PLA2G2D: variants seen among roughly 807,000 people sequenced by gnomAD.
PLA2G2D encodes the protein group IID secretory phospholipase A2.
A neutral mutation model predicts 13.9 loss-of-function variants in PLA2G2D; 17 were observed. The observed-to-expected ratio is 1.23, with a 90% CI of 0.84 to 1.84. The LOEUF is 1.84. PLA2G2D is among the 40% of genes most tolerant of loss of function. The probability of loss-of-function intolerance (pLI) is 0.00; values close to 1 mark genes in which losing one functional copy is unlikely to be tolerated. For synonymous variants in PLA2G2D, 83 were observed against 69.3 expected (o/e 1.20, Z -0.98); for missense variants, 194 against 178.7 (o/e 1.09, Z -0.49).
chr1:20,115,348 A>G (rs1364232014), intron 3 of PLA2G2D, among the ~76,000 whole-genome samples, 159 bp downstream of exon 3: 2 of 151,308 alleles, frequency 1.3e-5, no homozygotes, highest in Admixed American at 1.3e-4. Context: ...TCCTCTCCAT[A>G]CCCCCATACC....
chr1:20,116,395 GT>G lies in PLA2G2D; in HGVS notation c.122del (p.Tyr41SerfsTer10). ...GTCCGCAGTGACAGCCGTAGGGCCA[GT>G]AGGAGAGGATGGGCATTTTCCCAGT... ...QVTGKMPILS[Y>X]WPYGCHCGLG... On this transcript the variant is annotated frameshift_variant, in exon 2 of 4. Coordinates refer to ENST00000375105, the MANE Select transcript of PLA2G2D (RefSeq NM_012400.4). LOFTEE classifies it high-confidence loss of function. 1.2e-6 allele frequency: 2 copies of G among 1,614,176 alleles called. No individual in the cohort carries two copies. The highest frequency in any genetic ancestry group is 4.5e-5 in the East Asian group (2 of 44,882).
intron 3 of PLA2G2D, 92 bp downstream of exon 3, chr1:20,115,415 A>C: frequency 2.8e-5 from 22 of 772,038 alleles, no homozygotes; most frequent in African/African-American, 5.3e-5. Flanking sequence ...AAAAAAAAAC[A>C]GAGAGGTCAA....
chr1:20,117,572 G>A (rs1224816744), intron 1 of PLA2G2D, among the ~76,000 whole-genome samples: 1 of 152,160 alleles, frequency 6.6e-6, no homozygotes, highest in Non-Finnish European at 1.5e-5. Flanking sequence ...TGTTGAGTTA[G>A]GAGAAATAAA....
rs2016940024 is a variant in PLA2G2D at position 20,114,276 on chromosome 1, G to T, written c.293-17C>A. The stretch of plus-strand genomic sequence containing the variant: ...CCTTGTCAGCTGTGGACGGAGAAGG[G>T]GGAGCTATGTGTTTGTCCTTTTCCG... On this transcript the variant is annotated splice_polypyrimidine_tract_variant and intron_variant, in intron 3 of 3. Coordinates refer to ENST00000375105, the MANE Select transcript of PLA2G2D (RefSeq NM_012400.4). The T allele has an allele frequency of 6.2e-7, 1 of 1,610,324 alleles. No individual in the cohort carries two copies. Among genetic ancestry groups the T allele is most frequent in the South Asian group, 1.1e-5 (1 of 90,626 alleles).
chr1:20,114,423 C>T (rs1201878807), intron 3 of PLA2G2D, among the ~76,000 whole-genome samples, 164 bp from the exon 4 acceptor site: 1 of 152,244 alleles, frequency 6.6e-6, no homozygotes, highest in Non-Finnish European at 1.5e-5. Flanking sequence ...ACCGTGACCT[C>T]CCTGTGTGCC....
Position 20,115,497 on chromosome 1 carries a change from G to A in PLA2G2D, c.292+10C>T, listed in dbSNP as rs779331486. The A allele has an allele frequency of 8.1e-6, 12 of 1,475,280 alleles. 1 individual carries two copies. The South Asian group carries it at 1.2e-4, about 15-fold the overall frequency. The allele number at this position is 1,475,280 out of a possible 1,614,324, so 91.4% of individuals were successfully genotyped here. On this transcript the variant is annotated intron_variant, in intron 3 of 3. Transcript: ENST00000375105. ...GTCTCCAGCTCCTGCCCTGAGGTCT[G>A]CGTACTCACAGCAGTGGATGTTCCC...
intron 1 of PLA2G2D, among the ~76,000 whole-genome samples, chr1:20,118,207 C>CT (rs948243894): frequency 2.0e-5 from 3 of 151,944 alleles, no homozygotes; most frequent in South Asian, 2.1e-4. Flanking sequence ...CCCCGGTCCT[C>CT]TTTTTTTTGC....
At chr1:20,115,286 G>T (rs1047147252) in intron 3 of PLA2G2D, among the ~76,000 whole-genome samples, 1 of 152,160 alleles carries the variant, frequency 6.6e-6, no homozygotes, top group Admixed American at 6.5e-5. Flanking sequence ...CACCAAGCTG[G>T]TCAGTCGTGG....
intron 1 of PLA2G2D, among the ~76,000 whole-genome samples, chr1:20,118,720 C>T (rs992840826): frequency 4.6e-5 from 7 of 152,088 alleles, no homozygotes; most frequent in African/African-American, 1.4e-4. Flanking sequence ...TAAGAGATGG[C>T]GGGGCCTGCA....
At chr1:20,116,183 G>A in intron 2 of PLA2G2D, 150 bp downstream of exon 2, 1 of 842,590 alleles carries the variant, frequency 1.2e-6, no homozygotes. Flanking sequence ...AGGAGGGCTG[G>A]GACCGTATTG....
chr1:20,118,775 C>G (rs1044035864), intron 1 of PLA2G2D, among the ~76,000 whole-genome samples: 4 of 152,132 alleles, frequency 2.6e-5, no homozygotes, highest in African/African-American at 4.8e-5. Flanking sequence ...ACAGTGTCTT[C>G]CCTCTTTACA....
chr1:20,116,634 G>A (rs1448010840), intron 1 of PLA2G2D, among the ~76,000 whole-genome samples, 157 bp from the exon 2 acceptor site: 1 of 152,040 alleles, frequency 6.6e-6, no homozygotes, highest in Non-Finnish European at 1.5e-5. Context: ...TAAAAATATA[G>A]CGACAGGCCA....
chr1:20,116,460 C>T lies in PLA2G2D; in HGVS notation c.58G>A (p.Gly20Ser), dbSNP rs1197176266. 1.2e-6 allele frequency: 2 copies of T among 1,613,990 alleles called. No homozygotes were observed. Among genetic ancestry groups the T allele is most frequent in the East Asian group, 2.2e-5 (1 of 44,860 alleles). ...ATCTTGTTCAGGTTCAGGATCCCGC[C>T]CTGGATTGGAATCACACCTGCCAAG... is the stretch of plus-strand genomic sequence containing the variant. ...VVMAGVIPIQ[G>S]GILNLNKMVK... Residue 20 changes from glycine to serine, a missense_variant, in exon 2 of 4, where the codon GGC (glycine) becomes AGC (serine). Gly to Ser is a moderately conservative substitution (Grantham distance 56). Transcript: ENST00000375105.
intron 2 of PLA2G2D, 77 bp downstream of exon 2, chr1:20,116,256 A>G (rs548921208): frequency 1.4e-6 from 2 of 1,408,948 alleles, no homozygotes; most frequent in Non-Finnish European, 2.0e-6. Flanking sequence ...CAACTAAATG[A>G]ACAGGTGGGT....
intron 2 of PLA2G2D, among the ~76,000 whole-genome samples, chr1:20,116,106 G>T (rs894817407): frequency 6.6e-6 from 1 of 152,152 alleles, no homozygotes. Flanking sequence ...ACTAGAGTAG[G>T]GGATGGGAGT....
In PLA2G2D at chr1:20,114,147, C is replaced by A; in HGVS notation, c.405G>T (p.Arg135=). 1 of 1,613,720 alleles carries A rather than the reference C, an allele frequency of 6.2e-7. No homozygotes were observed. Among genetic ancestry groups the A allele is most frequent in the Non-Finnish European group, 8.5e-7 (1 of 1,179,948 alleles). The change falls in exon 4 of 4, where the codon CGG becomes CGT. Residue 135 remains arginine (R), a synonymous_variant. Coordinates refer to ENST00000375105, the MANE Select transcript of PLA2G2D (RefSeq NM_012400.4). The part of the protein sequence containing the change: ...TYQKRLRFYW[R]PHCRGQTPGC ...CAGGGGTCTGCCCCCGGCAGTGGGG[C>A]CGCCAGTAGAAACGCAGTCGCTTCT...
At chr1:20,115,285 G>A (rs1557767432) in intron 3 of PLA2G2D, among the ~76,000 whole-genome samples, 1 of 152,112 alleles carries the variant, frequency 6.6e-6, no homozygotes, top group Non-Finnish European at 1.5e-5. Flanking sequence ...TCACCAAGCT[G>A]GTCAGTCGTG....
At chr1:20,115,426 G>A in intron 3 of PLA2G2D, 81 bp downstream of exon 3, 5 of 835,566 alleles carry the variant, frequency 6.0e-6, no homozygotes, top group Non-Finnish European at 8.4e-6. Context: ...GAGAGGTCAA[G>A]TAGCTGTGCT....
chr1:20,116,385 C>T lies in PLA2G2D; in HGVS notation c.133G>A (p.Gly45Ser), dbSNP rs139125782. 6.1e-3 allele frequency: 9,881 copies of T among 1,614,144 alleles called. 38 individuals are homozygous for T. The highest frequency in any genetic ancestry group is 7.6e-3 in the Non-Finnish European group (8,925 of 1,179,998). The change falls in exon 2 of 4, where the codon GGC becomes AGC. Residue 45 changes from glycine to serine, a missense_variant. By Grantham distance (56) the Gly-to-Ser change is moderately conservative. Transcript: ENST00000375105. ...KMPILSYWPY[G>S]CHCGLGGRGQ... ...CTGCCACCTAGTCCGCAGTGACAGC[C>T]GTAGGGCCAGTAGGAGAGGATGGGC...
Sources: allele counts gnomAD v4.1 joint callset (sites outside exome capture counted in the v4.1 genomes callset), GRCh38; gene constraint gnomAD v4.1.1; transcripts MANE v1.5; gene names NCBI Gene and HGNC (gene_info 2026-07-23, HGNC 2026-07-21).